Variants in GDAP1 observed in about 807,000 individuals in gnomAD.
GDAP1 encodes the protein ganglioside induced differentiation associated protein 1.
GDAP1 carries 34 observed loss-of-function variants against 40.1 expected under a neutral mutation model. That is an observed-to-expected ratio of 0.85 (90% CI 0.64 to 1.13). The LOEUF (loss-of-function observed/expected upper bound fraction) is 1.13. Ranked by LOEUF, GDAP1 falls within the 50% of genes most tolerant of loss-of-function variation. The pLI is 0.00. For missense variants in GDAP1, 374 were observed against 433.7 expected (o/e 0.86, Z 1.22); for synonymous variants, 170 against 157.4 (o/e 1.08, Z -0.60).
intron 2 of GDAP1, among the ~76,000 whole-genome samples, chr8:74,481,724 A>G (rs1806713353): frequency 6.6e-6 from 1 of 152,178 alleles, no homozygotes; most frequent in Middle Eastern, 3.2e-3. Flanking sequence ...TCAGTGTATT[A>G]TTAACTAAAA....
rs1439127557 is a variant in GDAP1, at chr8:74,452,314, G to A, written c.166-36364G>A. Among the ~76,000 whole-genome samples the A allele has an allele frequency of 1.1e-4, 9 of 82,986 alleles. 4 individuals are homozygous for A. The highest frequency in any genetic ancestry group is 1.9e-4 in the Non-Finnish European group (8 of 41,128). The allele number at this position is 82,986 out of a possible 152,430, so 54.4% of individuals were successfully genotyped here. ...TTTGTTCTTTAAGCCAATATTTTGCGCTACATTTGTGACTATTTTGGCCAT... is the reference window on the plus strand; with the variant it reads ...TTTGTTCTTTAAGCCAATATTTTGCACTACATTTGTGACTATTTTGGCCAT... On this transcript the variant is annotated intron_variant, in intron 2 of 2. Coordinates refer to the GDAP1 transcript ENST00000523640.
At chr8:74,433,160 C>G (rs1806048458) in intron 2 of GDAP1, among the ~76,000 whole-genome samples, 1 of 152,212 alleles carries the variant, frequency 6.6e-6, no homozygotes, top group Admixed American at 6.5e-5. Context: ...CTCAGAGGAG[C>G]CTTTCCTGAT....
At chr8:74,383,132 T>G (rs1279344020) in intron 2 of GDAP1, among the ~76,000 whole-genome samples, 1 of 152,212 alleles carries the variant, frequency 6.6e-6, no homozygotes, top group Non-Finnish European at 1.5e-5. Context: ...AACATGACAT[T>G]TTGTTTCCCT....
intron 2 of GDAP1, among the ~76,000 whole-genome samples, chr8:74,353,137 T>C (rs776705978): frequency 1.8e-4 from 27 of 152,334 alleles, no homozygotes; most frequent in Admixed American, 3.9e-4. Flanking sequence ...ATAAGTTCTG[T>C]GTCCTGCTAA....
Position 74,364,761 on chromosome 8 carries a change from G to A in GDAP1, c.*394G>A, listed in dbSNP as rs756089950. ...CTGTAATTGAGAACTCTTAGGAGAG[G>A]ACTAGGGAATCACTGGGGATAGTGG... On this transcript the variant is annotated 3_prime_UTR_variant, in exon 6 of 6. Transcript: ENST00000220822. The A allele has an allele frequency of 2.2e-6, 1 of 459,076 alleles. No homozygotes were observed. Among genetic ancestry groups the A allele is most frequent in the South Asian group, 1.5e-5 (1 of 64,528 alleles). 28.4% of individuals were successfully genotyped at this position (459,076 alleles called of 1,614,324 possible). A position where few individuals can be genotyped will look rare whatever the true frequency, so the allele number is the denominator to read the frequency against.
chr8:74,432,562 C>T (rs1806041501), intron 2 of GDAP1, among the ~76,000 whole-genome samples: 1 of 152,132 alleles, frequency 6.6e-6, no homozygotes, highest in African/African-American at 2.4e-5. Flanking sequence ...CCTATCATCC[C>T]ATCTTCTGGA....
At chr8:74,374,676 A>G (rs920328738) in intron 2 of GDAP1, among the ~76,000 whole-genome samples, 5 of 152,194 alleles carry the variant, frequency 3.3e-5, no homozygotes, top group African/African-American at 1.2e-4. Flanking sequence ...ATGTCACTAC[A>G]TATCCCGCAG....
Position 74,386,506 on chromosome 8 carries a change from G to A in GDAP1, c.165+35185G>A, listed in dbSNP as rs564796962. ...AATCAGATGGTTGTAGATGTGTGGC[G>A]TTATTCCTGAGGCTTTTGTTCTGTT... On this transcript the variant is annotated intron_variant, in intron 2 of 2. Coordinates refer to the GDAP1 transcript ENST00000523640. Among the ~76,000 whole-genome samples, 16 of 152,190 alleles carry A rather than the reference G, an allele frequency of 1.1e-4. No individual in the cohort carries two copies. In the South Asian group the frequency reaches 1.7e-3, roughly 16 times the overall value.
Position 74,421,153 on chromosome 8 carries a change from C to T in GDAP1, c.166-67525C>T, listed in dbSNP as rs199741822. ...ACTCCAATTGCTCTTCTCATGGGGA[C>T]AGAAACATTGACCAAGCTTCTGATC... On this transcript the variant is annotated intron_variant, in intron 2 of 2. Transcript: ENST00000523640. 2.5e-4 allele frequency among the ~76,000 whole-genome samples: 38 copies of T among 152,212 alleles called. No individual in the cohort carries two copies. In the East Asian group the frequency reaches 7.0e-3, roughly 28 times the overall value.
Position 74,417,831 on chromosome 8 carries a change from A to G in GDAP1, c.165+66510A>G, listed in dbSNP as rs370493653. Among the ~76,000 whole-genome samples the G allele has an allele frequency of 8.9e-5, 13 of 146,330 alleles. No individual in the cohort carries two copies. The East Asian group carries it at 2.5e-3, about 28-fold the overall frequency. ...GAATATAAACAAATATTGTAAATTAACAAGTGAGTTTATCAAGGTCAAAGA... is the reference window on the plus strand; with the variant it reads ...GAATATAAACAAATATTGTAAATTAGCAAGTGAGTTTATCAAGGTCAAAGA... On this transcript the variant is annotated intron_variant, in intron 2 of 2. Transcript: ENST00000523640.
chr8:74,397,270 G>T (rs1487662247), intron 2 of GDAP1, among the ~76,000 whole-genome samples: 1 of 151,114 alleles, frequency 6.6e-6, no homozygotes, highest in African/African-American at 2.4e-5. Context: ...TTTGTCAGAT[G>T]AGTAGGTTGC....
At chr8:74,356,818 G>A (rs1341671934) in intron 2 of GDAP1, among the ~76,000 whole-genome samples, 24 of 150,038 alleles carry the variant, frequency 1.6e-4, no homozygotes, top group South Asian at 2.1e-4. Flanking sequence ...GGGTTCAAGC[G>A]ATTCCCCTGC....
intron 2 of GDAP1, among the ~76,000 whole-genome samples, chr8:74,471,806 A>G (rs528692627): frequency 2.8e-4 from 43 of 152,128 alleles, no homozygotes; most frequent in Non-Finnish European, 4.6e-4. Flanking sequence ...TTTACTTGGC[A>G]TATTGATTTT....
At chr8:74,422,417 G>T (rs1488403762) in intron 2 of GDAP1, among the ~76,000 whole-genome samples, 22 of 72,506 alleles carry the variant, frequency 3.0e-4, no homozygotes, top group South Asian at 4.7e-4. Context: ...CTCTCTCTTC[G>T]TTTTCTTCCT....
intron 2 of GDAP1, among the ~76,000 whole-genome samples, chr8:74,456,680 G>A (rs547694929): frequency 1.3e-5 from 2 of 152,034 alleles, no homozygotes; most frequent in East Asian, 3.9e-4. Flanking sequence ...TAGTATATGT[G>A]CTCTCAGTGG....
intron 2 of GDAP1, among the ~76,000 whole-genome samples, chr8:74,418,673 G>C (rs117495253): frequency 0.011 from 1,702 of 152,154 alleles, 12 homozygotes; most frequent in South Asian, 0.019. Context: ...TTGATAGAAT[G>C]GACTTCATCT....
intron 2 of GDAP1, among the ~76,000 whole-genome samples, chr8:74,440,113 T>A (rs142277471): frequency 6.2e-4 from 95 of 152,312 alleles, no homozygotes; most frequent in Non-Finnish European, 1.0e-3. Flanking sequence ...TCACTGAACC[T>A]TTCCCATGGG....
At chr8:74,428,890 G>A (rs1805990201) in intron 2 of GDAP1, among the ~76,000 whole-genome samples, 1 of 118,796 alleles carries the variant, frequency 8.4e-6, no homozygotes, top group Non-Finnish European at 1.7e-5. Context: ...ACAGGCCCCG[G>A]TGTGTGATGT....
chr8:74,440,128 C>G (rs1413764727), intron 2 of GDAP1, among the ~76,000 whole-genome samples: 1 of 152,112 alleles, frequency 6.6e-6, no homozygotes, highest in East Asian at 1.9e-4. Flanking sequence ...CATGGGAATT[C>G]TTCAGAGCCA....
Sources: allele counts gnomAD v4.1 joint callset (sites outside exome capture counted in the v4.1 genomes callset), GRCh38; gene constraint gnomAD v4.1.1; transcripts MANE v1.5; gene names NCBI Gene and HGNC (gene_info 2026-07-23, HGNC 2026-07-21).